Variants in CNTNAP2 observed in about 807,000 individuals in gnomAD.
The protein encoded by CNTNAP2 is contactin-associated protein-like 2.
Under a neutral mutation model 155.2 loss-of-function variants are expected in CNTNAP2, and 98 were observed. That is an observed-to-expected ratio of 0.63 (90% CI 0.54 to 0.75). The LOEUF is 0.75. Among genes scored for constraint, CNTNAP2 ranks in the 30% least tolerant of loss-of-function variants. CNTNAP2 has a pLI of 0.00. For missense variants in CNTNAP2, 1,727 were observed against 1,688.1 expected, an observed-to-expected ratio of 1.02 and a Z score of -0.40; for synonymous variants, 651 against 631.2, an observed-to-expected ratio of 1.03 and a Z score of -0.47.
chr7:146,901,935 G>A (rs929301813), intron 3 of CNTNAP2, among the ~76,000 whole-genome samples: 3 of 147,054 alleles, frequency 2.0e-5, no homozygotes, highest in Non-Finnish European at 4.5e-5. Context: ...GAGTGCAGTG[G>A]TGCGATCTCG....
chr7:147,628,748 A>G (rs1391672496), intron 12 of CNTNAP2, among the ~76,000 whole-genome samples: 2 of 152,084 alleles, frequency 1.3e-5, no homozygotes, highest in Non-Finnish European at 2.9e-5. Context: ...ACACATAAGG[A>G]CTCACATAAA....
intron 9 of CNTNAP2, among the ~76,000 whole-genome samples, chr7:147,311,303 A>G (rs1795121654): frequency 6.6e-6 from 1 of 152,154 alleles, no homozygotes; most frequent in Admixed American, 6.5e-5. Flanking sequence ...AAGTACTTCT[A>G]AAGGAAAAAG....
chr7:147,310,185 T>C (rs558930268), intron 9 of CNTNAP2, among the ~76,000 whole-genome samples: 1 of 152,290 alleles, frequency 6.6e-6, no homozygotes, highest in Non-Finnish European at 1.5e-5. Flanking sequence ...ATTACAATTA[T>C]TGTGATATTC....
intron 15 of CNTNAP2, among the ~76,000 whole-genome samples, chr7:148,053,087 A>G (rs895451116): frequency 1.3e-5 from 2 of 152,194 alleles, no homozygotes; most frequent in Non-Finnish European, 2.9e-5. Flanking sequence ...GTCTTTGAAG[A>G]CTATTAACAT....
intron 1 of CNTNAP2, among the ~76,000 whole-genome samples, chr7:146,253,465 T>C (rs73457903): frequency 0.012 from 1,876 of 152,360 alleles, 41 homozygotes; most frequent in African/African-American, 0.043. Context: ...ACATGCCCAT[T>C]CCTGGGCCCA....
At chr7:147,559,945 G>C (rs115377135) in intron 11 of CNTNAP2, among the ~76,000 whole-genome samples, 1 of 151,228 alleles carries the variant, frequency 6.6e-6, no homozygotes, top group African/African-American at 2.4e-5. Context: ...CCGAGGCGCA[G>C]ATCACCTGAG....
At chr7:147,641,782 C>T (rs952107245) in intron 13 of CNTNAP2, among the ~76,000 whole-genome samples, 1 of 152,044 alleles carries the variant, frequency 6.6e-6, no homozygotes, top group Non-Finnish European at 1.5e-5. Context: ...TCACCAGAAA[C>T]AGAATCAGCC....
intron 3 of CNTNAP2, among the ~76,000 whole-genome samples, chr7:147,021,985 T>C (rs1798825760): frequency 6.6e-6 from 1 of 152,130 alleles, no homozygotes; most frequent in Non-Finnish European, 1.5e-5. Context: ...TTATTTTTTA[T>C]TTTTTGTCAT....
At chr7:146,776,691 G>A (rs2129186336) in intron 2 of CNTNAP2, among the ~76,000 whole-genome samples, 1 of 152,198 alleles carries the variant, frequency 6.6e-6, no homozygotes, top group South Asian at 2.1e-4. Context: ...GTTTTTTAAT[G>A]GGAATTAACA....
chr7:147,761,861 G>T (rs1797303916), intron 13 of CNTNAP2, among the ~76,000 whole-genome samples: 2 of 152,046 alleles, frequency 1.3e-5, no homozygotes, highest in Admixed American at 6.6e-5. Context: ...CTGGAACAAA[G>T]AACAGATTCT....
At position 146,308,542 on chromosome 7, in the gene CNTNAP2, G is replaced by A. The variant is rs146311949; in HGVS notation, c.97+191569G>A. ...ACACATGCACATGTATGTTTATTGCGGCACTATTCACAATAGCAAAGACTT... is the reference window on the plus strand; with the variant it reads ...ACACATGCACATGTATGTTTATTGCAGCACTATTCACAATAGCAAAGACTT... On this transcript the variant is annotated intron_variant, in intron 1 of 23. Transcript: ENST00000361727. 2.1e-3 allele frequency among the ~76,000 whole-genome samples: 314 copies of A among 151,454 alleles called. 5 individuals are homozygous for A. In the East Asian group the frequency reaches 0.043, roughly 21 times the overall value.
rs528320058 is a variant in CNTNAP2, at chr7:147,701,480, C to T, written c.2098+62174C>T. Among the ~76,000 whole-genome samples, 125 of 152,178 alleles carry T rather than the reference C, an allele frequency of 8.2e-4. 1 individual carries two copies. The highest frequency in any genetic ancestry group is 3.4e-3 in the Middle Eastern group (1 of 294). On this transcript the variant is annotated intron_variant, in intron 13 of 23. Coordinates refer to ENST00000361727, the MANE Select transcript of CNTNAP2 (RefSeq NM_014141.6). Reference sequence around the variant, plus strand: ...AGATATTTCAATTTTTTTAGAAATTCGCTGGGTGACTTGTCATTGATACAT... The same window carrying T: ...AGATATTTCAATTTTTTTAGAAATTTGCTGGGTGACTTGTCATTGATACAT...
chr7:146,910,808 A>T (rs1285464463), intron 3 of CNTNAP2, among the ~76,000 whole-genome samples: 2 of 148,628 alleles, frequency 1.3e-5, no homozygotes, highest in African/African-American at 5.0e-5. Context: ...GACAAATGGG[A>T]TCTAATTAAA....
chr7:147,684,400 T>TAA, intron 13 of CNTNAP2, among the ~76,000 whole-genome samples: 1 of 151,868 alleles, frequency 6.6e-6, no homozygotes, highest in South Asian at 2.1e-4. Flanking sequence ...CTTTACACTT[T>TAA]CAAAAAAATA....
At chr7:148,247,939 C>T (rs1563010789) in intron 20 of CNTNAP2, among the ~76,000 whole-genome samples, 1 of 151,910 alleles carries the variant, frequency 6.6e-6, no homozygotes, top group Non-Finnish European at 1.5e-5. Flanking sequence ...CAGGTGTGAA[C>T]CACCATGCTC....
At chr7:148,300,553 G>C (rs1476420319) in intron 21 of CNTNAP2, among the ~76,000 whole-genome samples, 4 of 142,304 alleles carry the variant, frequency 2.8e-5, no homozygotes, top group Non-Finnish European at 4.5e-5. Context: ...TTTCCACCCT[G>C]TGAGGAACAC....
intron 12 of CNTNAP2, among the ~76,000 whole-genome samples, chr7:147,586,925 C>T (rs1022307829): frequency 5.3e-5 from 8 of 152,096 alleles, no homozygotes; most frequent in Non-Finnish European, 7.4e-5. Context: ...TCATCATTAC[C>T]CTTTCCAGCC....
intron 12 of CNTNAP2, among the ~76,000 whole-genome samples, chr7:147,610,430 A>C (rs1801160680): frequency 2.0e-5 from 3 of 152,132 alleles, no homozygotes; most frequent in South Asian, 4.1e-4. Context: ...TAAGGCCGGT[A>C]ATGGGAGCTC....
chr7:147,681,944 T>C (rs1795952792), intron 13 of CNTNAP2, among the ~76,000 whole-genome samples: 1 of 151,884 alleles, frequency 6.6e-6, no homozygotes, highest in African/African-American at 2.4e-5. Flanking sequence ...TCTGCTAGAT[T>C]TGGTAAAAAG....
Sources: allele counts gnomAD v4.1 joint callset (sites outside exome capture counted in the v4.1 genomes callset), GRCh38; gene constraint gnomAD v4.1.1; transcripts MANE v1.5; gene names NCBI Gene and HGNC (gene_info 2026-07-23, HGNC 2026-07-21).